The following OXTR variants were observed in gnomAD, a reference collection of about 807,000 sequenced individuals.
OXTR encodes oxytocin receptor.
Under a neutral mutation model 23.9 loss-of-function variants are expected in OXTR, and 19 were observed. That is an observed-to-expected ratio of 0.80 (90% CI 0.56 to 1.17). The LOEUF (loss-of-function observed/expected upper bound fraction) is 1.17, where lower values mean the gene tolerates loss of function less well. Ranked by LOEUF, OXTR falls within the 50% of genes most tolerant of loss-of-function variation. The pLI is 0.00. For synonymous variants in OXTR, 278 were observed against 250.5 expected, an observed-to-expected ratio of 1.11 and a Z score of -1.04; for missense variants, 500 against 550.7, an observed-to-expected ratio of 0.91 and a Z score of 0.92.
the OXTR span, among the ~76,000 whole-genome samples, chr3:8,743,365 C>A: frequency 6.6e-6 from 1 of 152,078 alleles, no homozygotes; most frequent in South Asian, 2.1e-4. Context: ...ACTTTTCCAT[C>A]CCTGTTCCAA....
chr3:8,757,285 T>C (rs1708393008), intron 3 of OXTR, among the ~76,000 whole-genome samples: 1 of 149,088 alleles, frequency 6.7e-6, no homozygotes, highest in African/African-American at 2.6e-5. Flanking sequence ...TTAACATTAG[T>C]ATTAATATTA....
intron 3 of OXTR, among the ~76,000 whole-genome samples, chr3:8,761,633 T>C (rs1708490126): frequency 6.6e-6 from 1 of 152,134 alleles, no homozygotes; most frequent in Non-Finnish European, 1.5e-5. Context: ...AGTTTCATCA[T>C]CTGTAGAAAA....
the OXTR span, chr3:8,742,428 G>A: frequency 2.4e-6 from 1 of 424,126 alleles, no homozygotes; most frequent in Non-Finnish European, 4.7e-6. Flanking sequence ...GCCATTGGCG[G>A]TAGGATTATT....
chr3:8,766,725 G>T (rs79896191), intron 3 of OXTR, among the ~76,000 whole-genome samples: 13,293 of 123,186 alleles, frequency 0.11, 937 homozygotes, highest in African/African-American at 0.25. Flanking sequence ...ACTACTAGGT[G>T]CTTGGTTGGA....
intron 3 of OXTR, among the ~76,000 whole-genome samples, chr3:8,754,392 A>G (rs1026428232): frequency 1.3e-5 from 2 of 152,220 alleles, no homozygotes; most frequent in African/African-American, 4.8e-5. Context: ...GAAACCCACA[A>G]GGAAAACAAC....
At chr3:8,750,066 C>T (rs1296474956), downstream of OXTR, among the ~76,000 whole-genome samples, 3 of 152,118 alleles carry the variant, frequency 2.0e-5, no homozygotes, top group African/African-American at 7.2e-5. Context: ...ATTTCTTAGA[C>T]GTGGTCATGT....
rs149385458 is a variant in OXTR, at chr3:8,756,807, C to T, written c.923-3583G>A. ...AAAGGCCAGGCCCCATGCCTTCATC[C>T]GGGCTTCTCTGAAGGGCCATGGCCA... is the stretch of plus-strand genomic sequence containing the variant. On this transcript the variant is annotated intron_variant, in intron 3 of 3. Transcript: ENST00000316793. Among the ~76,000 whole-genome samples, 932 of 152,336 alleles carry T rather than the reference C, an allele frequency of 6.1e-3. 9 individuals are homozygous for T. The highest frequency in any genetic ancestry group is 0.021 in the African/African-American group (884 of 41,572).
chr3:8,746,135 A>G (rs1708154614), downstream of OXTR: 3 of 459,442 alleles, frequency 6.5e-6, no homozygotes, highest in Non-Finnish European at 1.2e-5. Flanking sequence ...AGCTACTGCA[A>G]GTCTTTGCGT....
intron 3 of OXTR, among the ~76,000 whole-genome samples, chr3:8,753,815 A>ATCAT (rs1211276693): frequency 1.3e-5 from 2 of 151,916 alleles, no homozygotes; most frequent in African/African-American, 4.8e-5. Flanking sequence ...TGCCGGGCAA[A>ATCAT]TCAAATAAAA....
rs764444725 is a variant in OXTR, at chr3:8,767,315, G to A, written c.873C>T (p.Phe291=). Residue 291 remains phenylalanine, a synonymous_variant, in exon 3 of 4, where the codon TTC becomes TTT. Coordinates refer to ENST00000316793, the MANE Select transcript of OXTR (RefSeq NM_000916.4). ...VLAFIVCWTP[F]FFVQMWSVWD... Reference sequence around the variant, plus strand: ...AGACGCTCCACATCTGCACGAAGAAGAAAGGCGTCCAGCACACGATGAAGG... The same window carrying A: ...AGACGCTCCACATCTGCACGAAGAAAAAAGGCGTCCAGCACACGATGAAGG... The A allele has an allele frequency of 6.3e-7, 1 of 1,598,226 alleles. No homozygotes were observed.
Position 8,752,974 on chromosome 3 carries a change from G to C in OXTR, c.*3C>G. Reference sequence around the variant, plus strand: ...GGCTGCAGCCCTGGCCCTGGCTGGTGGGTCACGCCGTGGATGGCTGGGAGC... The same window carrying C: ...GGCTGCAGCCCTGGCCCTGGCTGGTCGGTCACGCCGTGGATGGCTGGGAGC... On this transcript the variant is annotated 3_prime_UTR_variant, in exon 4 of 4. Coordinates refer to ENST00000316793, the MANE Select transcript of OXTR (RefSeq NM_000916.4). 6.2e-7 allele frequency: 1 copy of C among 1,608,610 alleles called. No individual in the cohort carries two copies. The highest frequency in any genetic ancestry group is 8.5e-7 in the Non-Finnish European group (1 of 1,176,442).
chr3:8,743,276 A>G, the OXTR span, among the ~76,000 whole-genome samples: 1 of 152,158 alleles, frequency 6.6e-6, no homozygotes, highest in East Asian at 1.9e-4. Context: ...GAATACATGA[A>G]AGAAAAATGA....
chr3:8,761,622 C>CAA (rs1406015056), intron 3 of OXTR, among the ~76,000 whole-genome samples: 5 of 152,172 alleles, frequency 3.3e-5, no homozygotes, highest in African/African-American at 1.2e-4. Context: ...CTCTAAGCCT[C>CAA]AGTTTCATCA....
chr3:8,766,113 T>A (rs1708600290), intron 3 of OXTR, among the ~76,000 whole-genome samples: 1 of 152,212 alleles, frequency 6.6e-6, no homozygotes, highest in Non-Finnish European at 1.5e-5. Flanking sequence ...TTGGTCTTTC[T>A]TTACAAACAT....
the OXTR span, chr3:8,745,172 C>T: frequency 3.7e-4 from 107 of 285,938 alleles, 1 homozygote; most frequent in African/African-American, 2.0e-3. This position sits in a 1 kb window ranked among gnomAD's most constrained non-coding sequence, Gnocchi z 4.8. Context: ...TGGCACTCCA[C>T]CCCCTGCCCA....
downstream of OXTR, chr3:8,745,609 T>C: frequency 6.2e-7 from 1 of 1,614,136 alleles, no homozygotes. This position sits in a 1 kb window ranked among gnomAD's most constrained non-coding sequence, Gnocchi z 4.8. Context: ...CCACCTTCAC[T>C]GTCTCCAAGT....
chr3:8,757,445 A>G (rs1442777673), intron 3 of OXTR, among the ~76,000 whole-genome samples: 5 of 151,586 alleles, frequency 3.3e-5, no homozygotes, highest in Admixed American at 2.6e-4. Flanking sequence ...AAAAAAAAAC[A>G]AAAAACAAAA....
chr3:8,767,334 A>T lies in OXTR; in HGVS notation c.854T>A (p.Ile285Asn). 1 of 1,609,014 alleles carries T rather than the reference A, an allele frequency of 6.2e-7. No homozygotes were observed. The highest frequency in any genetic ancestry group is 8.5e-7 in the Non-Finnish European group (1 of 1,178,274). Reference sequence around the variant, plus strand: ...GAAGAAGAAAGGCGTCCAGCACACGATGAAGGCCAGCACGATGATGAAAGT... The same window carrying T: ...GAAGAAGAAAGGCGTCCAGCACACGTTGAAGGCCAGCACGATGATGAAAGT... ...KMTFIIVLAF[I>N]VCWTPFFFVQ... The change falls in exon 3 of 4, where the codon ATC becomes AAC. Residue 285 changes from isoleucine to asparagine, a missense_variant. By Grantham distance (149) the Ile-to-Asn change is moderately radical. Transcript: ENST00000316793.
chr3:8,768,239 G>A lies in OXTR; in HGVS notation c.-52C>T, dbSNP rs988676850. 29 of 1,265,340 alleles carry A rather than the reference G, an allele frequency of 2.3e-5. No homozygotes were observed. Among genetic ancestry groups the A allele is most frequent in the Middle Eastern group, 3.0e-4 (1 of 3,300 alleles). The allele number at this position is 1,265,340 out of a possible 1,614,324, so 78.4% of individuals were successfully genotyped here. On this transcript the variant is annotated 5_prime_UTR_variant, in exon 3 of 4. Transcript: ENST00000316793. This position sits in a 1 kb window ranked among gnomAD's most constrained non-coding sequence, Gnocchi z 5.4. Reference sequence around the variant, plus strand: ...GCCTTCGAGCCCTTTACGGCTTGGCGCGGCTGGGCCGGATCCGGCGTGTCG... The same window carrying A: ...GCCTTCGAGCCCTTTACGGCTTGGCACGGCTGGGCCGGATCCGGCGTGTCG...
Sources: gnomAD v4.1 joint callset for allele counts (sites outside exome capture counted in the v4.1 genomes callset) on GRCh38, gnomAD v4.1.1 for gene constraint, Gnocchi (gnomAD v3.1) non-coding constraint, MANE v1.5 for transcripts, NCBI Gene and HGNC (gene_info 2026-07-23, HGNC 2026-07-21) for gene names.